The following DIP2C variants were observed in gnomAD, a reference collection of about 807,000 sequenced individuals.
DIP2C encodes the protein DIP2 acetate--CoA ligase C (putative), also known as disco-interacting protein 2 homolog C.
DIP2C carries 33 observed loss-of-function variants against 192.4 expected under a neutral mutation model. That is an observed-to-expected ratio of 0.17 (90% CI 0.13 to 0.23). The LOEUF (loss-of-function observed/expected upper bound fraction) is 0.23. DIP2C is among the 10% of genes least tolerant of loss of function. The probability of loss-of-function intolerance (pLI) is 1.00; values close to 1 mark genes in which losing one functional copy is unlikely to be tolerated. For missense variants in DIP2C, 1,537 were observed against 2,110.1 expected, an observed-to-expected ratio of 0.73 and a Z score of 5.32; for synonymous variants, 979 against 864.1, an observed-to-expected ratio of 1.13 and a Z score of -2.33.
At position 585,763 on chromosome 10, in the gene DIP2C, G is replaced by C. The variant is rs189007775; in HGVS notation, c.86-99233C>G. Among the ~76,000 whole-genome samples, 11 of 152,224 alleles carry C rather than the reference G, an allele frequency of 7.2e-5. No individual in the cohort carries two copies. The East Asian group carries it at 1.3e-3, about 19-fold the overall frequency. Reference sequence around the variant, plus strand: ...CAGGAAGATCATCATTCAAAACTGAGGATTGTGGCAGAACAAAGCTGTCAG... The same window carrying C: ...CAGGAAGATCATCATTCAAAACTGACGATTGTGGCAGAACAAAGCTGTCAG... On this transcript the variant is annotated intron_variant, in intron 1 of 36. Coordinates refer to ENST00000280886, the MANE Select transcript of DIP2C (RefSeq NM_014974.3).
In DIP2C at chr10:420,118, T is replaced by C. The variant is rs138854118; in HGVS notation, c.605-919A>G. Reference sequence around the variant, plus strand: ...CGCAACAGAAGGGCGGTACTTTGTGTCGCTGAAAGTGGGGCTCATCCCCAA... The same window carrying C: ...CGCAACAGAAGGGCGGTACTTTGTGCCGCTGAAAGTGGGGCTCATCCCCAA... On this transcript the variant is annotated intron_variant, in intron 5 of 36. Coordinates refer to ENST00000280886, the MANE Select transcript of DIP2C (RefSeq NM_014974.3). Among the ~76,000 whole-genome samples, 915 of 152,338 alleles carry C rather than the reference T, an allele frequency of 6.0e-3. 3 individuals carry two copies. Among genetic ancestry groups the C allele is most frequent in the East Asian group, 0.014 (70 of 5,182 alleles).
intron 9 of DIP2C, among the ~76,000 whole-genome samples, chr10:403,968 A>G (rs1214077582): frequency 9.8e-6 from 1 of 102,288 alleles, no homozygotes; most frequent in East Asian, 3.8e-4. Context: ...TTCCTTATGG[A>G]CAAGTTTGGT....
intron 1 of DIP2C, among the ~76,000 whole-genome samples, chr10:653,203 CTTTGGGAGGCCAAGGTGGGCAGA>C (rs1281317184): frequency 6.6e-6 from 1 of 152,096 alleles, no homozygotes; most frequent in Non-Finnish European, 1.5e-5. Context: ...AATGCCAGCA[CTTTGGGAGGCCAAGGTGGGCAGA>C]TCACTTGAGG....
intron 1 of DIP2C, among the ~76,000 whole-genome samples, chr10:564,706 A>T (rs1168593448): frequency 6.6e-6 from 1 of 152,186 alleles, no homozygotes; most frequent in Non-Finnish European, 1.5e-5. Context: ...ATATGCCCGA[A>T]GCATTCAGCA....
chr10:565,025 T>C (rs1032469235), intron 1 of DIP2C, among the ~76,000 whole-genome samples: 2 of 152,174 alleles, frequency 1.3e-5, no homozygotes, highest in Non-Finnish European at 2.9e-5. Flanking sequence ...CTGGTCCCCT[T>C]TGCTACCAGC....
chr10:315,738 A>T (rs1204536282), intron 31 of DIP2C, among the ~76,000 whole-genome samples: 1 of 152,210 alleles, frequency 6.6e-6, no homozygotes, highest in Non-Finnish European at 1.5e-5. Context: ...ACTCCTGGCC[A>T]TAGGTCTTCA....
chr10:546,277 TA>T lies in DIP2C; in HGVS notation c.86-59748del, dbSNP rs370870788. Among the ~76,000 whole-genome samples, 740 of 109,386 alleles carry T rather than the reference TA, an allele frequency of 6.8e-3. 7 individuals are homozygous for T. Among genetic ancestry groups the T allele is most frequent in the South Asian group, 0.015 (54 of 3,698 alleles). The allele number at this position is 109,386 out of a possible 152,430, so 71.8% of individuals were successfully genotyped here. On this transcript the variant is annotated intron_variant, in intron 1 of 36. Coordinates refer to ENST00000280886, the MANE Select transcript of DIP2C (RefSeq NM_014974.3). ...AGCCTGGGTGACAGAGCAAGACTCT[TA>T]AAAAAAAAAAAAAAAAGTAACAAAT...
chr10:518,706 G>A (rs1846515445), intron 1 of DIP2C, among the ~76,000 whole-genome samples: 1 of 152,152 alleles, frequency 6.6e-6, no homozygotes, highest in African/African-American at 2.4e-5. Context: ...TTGTTTAGAG[G>A]CCAGTCAATG....
intron 1 of DIP2C, among the ~76,000 whole-genome samples, chr10:573,501 C>G (rs528622500): frequency 6.6e-6 from 1 of 152,306 alleles, no homozygotes; most frequent in East Asian, 1.9e-4. Flanking sequence ...CTCCGCCTCC[C>G]AGGCTCAAGC....
rs117886576 is a variant in DIP2C, at chr10:618,837, C to T, written c.85+70657G>A. 1.7e-4 allele frequency among the ~76,000 whole-genome samples: 26 copies of T among 152,336 alleles called. No homozygotes were observed. In the East Asian group the frequency reaches 4.1e-3, roughly 24 times the overall value. On this transcript the variant is annotated intron_variant, in intron 1 of 36. Transcript: ENST00000280886. ...CACACGGCCACGTTCAGGCTGAAGC[C>T]GCACGATCGCCAGAAACACTGTCCC...
At chr10:561,160 C>T (rs958862093) in intron 1 of DIP2C, among the ~76,000 whole-genome samples, 3 of 152,190 alleles carry the variant, frequency 2.0e-5, no homozygotes, top group African/African-American at 7.2e-5. Flanking sequence ...GGAATAGGTT[C>T]TTAGTATCTC....
intron 13 of DIP2C, among the ~76,000 whole-genome samples, chr10:389,660 G>T (rs1963298019): frequency 6.6e-6 from 1 of 152,210 alleles, no homozygotes; most frequent in Non-Finnish European, 1.5e-5. Flanking sequence ...TGCATTCAGT[G>T]GGGTGGTAGG....
chr10:446,313 C>T (rs1167282720), intron 3 of DIP2C, among the ~76,000 whole-genome samples: 1 of 151,354 alleles, frequency 6.6e-6, no homozygotes, highest in Non-Finnish European at 1.5e-5. Context: ...TGCGAAGAGT[C>T]TATCTTCCAC....
intron 9 of DIP2C, among the ~76,000 whole-genome samples, chr10:405,787 G>C (rs1468075715): frequency 1.3e-5 from 2 of 152,176 alleles, no homozygotes; most frequent in Non-Finnish European, 2.9e-5. Context: ...GGGGAGCAAA[G>C]GCCTTTCCGG....
chr10:365,954 C>T (rs563400494), intron 19 of DIP2C, among the ~76,000 whole-genome samples: 2 of 152,332 alleles, frequency 1.3e-5, no homozygotes, highest in East Asian at 3.9e-4. Flanking sequence ...CACTTGGCTT[C>T]CCCAGGCAAG....
intron 1 of DIP2C, among the ~76,000 whole-genome samples, chr10:558,148 C>G (rs1326562485): frequency 6.6e-6 from 1 of 152,168 alleles, no homozygotes; most frequent in Non-Finnish European, 1.5e-5. Flanking sequence ...TCTTACCAGC[C>G]ACGCTGTTCC....
chr10:614,897 T>A (rs763979633), intron 1 of DIP2C, among the ~76,000 whole-genome samples: 1 of 152,148 alleles, frequency 6.6e-6, no homozygotes, highest in African/African-American at 2.4e-5. Context: ...TGGGAAGAAC[T>A]GGGTTGGCCC....
At chr10:333,048 G>A (rs1434702209) in intron 29 of DIP2C, among the ~76,000 whole-genome samples, 3 of 152,160 alleles carry the variant, frequency 2.0e-5, no homozygotes, top group Non-Finnish European at 2.9e-5. Context: ...GATGACAGGC[G>A]TGTGCCACCA....
chr10:418,946 A>G, intron 6 of DIP2C, 119 bp downstream of exon 6: 1 of 1,459,238 alleles, frequency 6.9e-7, no homozygotes, highest in Non-Finnish European at 9.2e-7. Flanking sequence ...GATCTGATAA[A>G]TTGGCTTTGT....
Sources: allele counts gnomAD v4.1 joint callset (sites outside exome capture counted in the v4.1 genomes callset), GRCh38; gene constraint gnomAD v4.1.1; transcripts MANE v1.5; gene names NCBI Gene and HGNC (gene_info 2026-07-23, HGNC 2026-07-21).